RNF207: variants seen among roughly 807,000 people sequenced by gnomAD.
RNF207 encodes ring finger protein 207.
A neutral mutation model predicts 79.0 loss-of-function variants in RNF207; 72 were observed. That is an observed-to-expected ratio of 0.91 (90% CI 0.75 to 1.11). The LOEUF is 1.11. Among genes scored for constraint, RNF207 ranks in the 50% least tolerant of loss-of-function variants. The pLI is 0.00. For synonymous variants in RNF207, 348 were observed against 366.2 expected, an observed-to-expected ratio of 0.95 and a Z score of 0.57; for missense variants, 936 against 855.8, an observed-to-expected ratio of 1.09 and a Z score of -1.17.
At chr1:6,212,977 G>C (rs1319486522) in intron 15 of RNF207, 89 bp from the exon 16 acceptor site, 1 of 905,848 alleles carries the variant, frequency 1.1e-6, no homozygotes, top group South Asian at 1.5e-5. Context: ...GGAAATGGTC[G>C]GGATATTTAC....
At position 6,210,950 on chromosome 1, in the gene RNF207, CCT is replaced by C; in HGVS notation, c.1011+13_1011+14del. 1 of 1,602,364 alleles carries C rather than the reference CCT, an allele frequency of 6.2e-7. No individual in the cohort carries two copies. Among genetic ancestry groups the C allele is most frequent in the African/African-American group, 1.3e-5 (1 of 74,942 alleles). ...TTCAGAGCAGCAAGGTGTGCAGTGG[CCT>C]GGGTGGGCCAGGGTCGGGGGCCCTG... On this transcript the variant is annotated intron_variant, in intron 11 of 17. Transcript: ENST00000377939.
intron 14 of RNF207, 80 bp downstream of exon 14, chr1:6,212,496 G>A: frequency 1.4e-6 from 2 of 1,416,934 alleles, no homozygotes; most frequent in Non-Finnish European, 1.9e-6. Context: ...AGCGGGGAAA[G>A]AGGACCTGGC....
chr1:6,213,219 C>T (rs1430868958), intron 16 of RNF207, 36 bp downstream of exon 16: 2 of 1,380,460 alleles, frequency 1.4e-6, no homozygotes, highest in Admixed American at 3.4e-5. Context: ...GCCACTGAGA[C>T]TCTTCAGAAT....
At chr1:6,218,474 G>A in intron 17 of RNF207, 105 bp downstream of exon 17, 1 of 839,178 alleles carries the variant, frequency 1.2e-6, no homozygotes. Context: ...GCCAGCTCTG[G>A]GGCCCTGGCT....
chr1:6,209,436 C>T lies in RNF207; in HGVS notation c.650C>T (p.Ala217Val). ...AVLAVKALQTATREAIALLQA... is the reference protein window; with the variant it reads ...AVLAVKALQTVTREAIALLQA... ...CAGGCCGTGAAGGCCCTGCAGACGGCCACGCGGGAGGCCATCGCGCTGCTG... is the reference window on the plus strand; with the variant it reads ...CAGGCCGTGAAGGCCCTGCAGACGGTCACGCGGGAGGCCATCGCGCTGCTG... Residue 217 changes from alanine (A) to valine (V), a missense_variant, in exon 7 of 18, where the codon GCC (alanine) becomes GTC (valine). Ala to Val is a moderately conservative substitution (Grantham distance 64). Transcript: ENST00000377939. The T allele has an allele frequency of 6.6e-7, 1 of 1,516,952 alleles. No individual in the cohort carries two copies. The highest frequency in any genetic ancestry group is 8.8e-7 in the Non-Finnish European group (1 of 1,137,892). 94.0% of individuals were successfully genotyped at this position (1,516,952 alleles called of 1,614,324 possible).
At position 6,210,818 on chromosome 1, in the gene RNF207, GC is replaced by G. The variant is rs947299905; in HGVS notation, c.943-47del. The G allele has an allele frequency of 1.2e-5, 18 of 1,497,500 alleles. No individual in the cohort carries two copies. The Admixed American group carries it at 1.4e-4, about 11-fold the overall frequency. The allele number at this position is 1,497,500 out of a possible 1,614,324, so 92.8% of individuals were successfully genotyped here. A position where few individuals can be genotyped will look rare whatever the true frequency, so the allele number is the denominator to read the frequency against. Reference sequence around the variant, plus strand: ...CTCCGCCTCCATCTCCCCTCTTCCTGCCCCCTGGCTGCCACACCTCCACCGG... The same window carrying G: ...CTCCGCCTCCATCTCCCCTCTTCCTGCCCCTGGCTGCCACACCTCCACCGG... On this transcript the variant is annotated intron_variant, in intron 10 of 17. Transcript: ENST00000377939.
chr1:6,212,247 T>C lies in RNF207; in HGVS notation c.1313T>C (p.Met438Thr), dbSNP rs1425822382. 6.2e-7 allele frequency: 1 copy of C among 1,612,940 alleles called. No individual in the cohort carries two copies. Among genetic ancestry groups the C allele is most frequent in the East Asian group, 2.2e-5 (1 of 44,864 alleles). ...TCTGTGCAGCACCTGCAGGCAGAGA[T>C]GCAGAGCCTAAAGGACCAGGTACAG... Reference protein sequence around the residue: ...EDSYRHLQAEMQSLKDQVQEL... With the variant: ...EDSYRHLQAETQSLKDQVQEL... Residue 438 changes from methionine to threonine, a missense_variant, in exon 14 of 18, where the codon ATG becomes ACG. Transcript: ENST00000377939.
In RNF207 at chr1:6,219,502, T is replaced by G. The variant is rs60846395; in HGVS notation, c.*95T>G. The G allele has an allele frequency of 0.012, 11,824 of 977,128 alleles. 742 individuals are homozygous for G. In the African/African-American group the frequency reaches 0.15, roughly 13 times the overall value. The allele number at this position is 977,128 out of a possible 1,614,324, so 60.5% of individuals were successfully genotyped here. On this transcript the variant is annotated 3_prime_UTR_variant, in exon 18 of 18. Coordinates refer to ENST00000377939, the MANE Select transcript of RNF207 (RefSeq NM_207396.3). Reference sequence around the variant, plus strand: ...GTTCCCATGATGGTTTTTTTTATTTTTTATTTTTGAGATGGAGTTTCGCTC... The same window carrying G: ...GTTCCCATGATGGTTTTTTTTATTTGTTATTTTTGAGATGGAGTTTCGCTC...
chr1:6,206,636 G>A lies in RNF207; in HGVS notation c.101G>A (p.Arg34His), dbSNP rs140205685. 23 of 1,608,086 alleles carry A rather than the reference G, an allele frequency of 1.4e-5. No individual in the cohort carries two copies. Among genetic ancestry groups the A allele is most frequent in the Non-Finnish European group, 1.9e-5 (23 of 1,179,872 alleles). ...CCGCTGTGCCACGTGCAGTACGAGC[G>A]CCCGTGTCTTCTGGACTGTTTCCAC... is the stretch of plus-strand genomic sequence containing the variant. ...VCPLCHVQYE[R>H]PCLLDCFHDF... The change falls in exon 2 of 18, where the codon CGC becomes CAC. Residue 34 changes from arginine to histidine, a missense_variant. By Grantham distance (29) the Arg-to-His change is conservative. Coordinates refer to ENST00000377939, the MANE Select transcript of RNF207 (RefSeq NM_207396.3).
rs763372809 is a variant in RNF207, at chr1:6,208,901, C to G, written c.345C>G (p.Phe115Leu). Residue 115 changes from phenylalanine to leucine, a missense_variant, in exon 4 of 18, where the codon TTC becomes TTG. Coordinates refer to ENST00000377939, the MANE Select transcript of RNF207 (RefSeq NM_207396.3). ...CSEQDVETTY[F>L]CNTCGQPLCA... ...CGCAGGACGTGGAGACCACGTACTT[C>G]TGCAACACGTGCGGACAGCCCCTAT... is the stretch of plus-strand genomic sequence containing the variant. 5 of 1,532,976 alleles carry G rather than the reference C, an allele frequency of 3.3e-6. No homozygotes were observed. Among genetic ancestry groups the G allele is most frequent in the African/African-American group, 1.4e-5 (1 of 72,496 alleles). The allele number at this position is 1,532,976 out of a possible 1,614,324, so 95.0% of individuals were successfully genotyped here.
Position 6,212,734 on chromosome 1 carries a change from G to A in RNF207, c.1534+1G>A. 6.2e-7 allele frequency: 1 copy of A among 1,612,298 alleles called. No individual in the cohort carries two copies. Among genetic ancestry groups the A allele is most frequent in the Non-Finnish European group, 8.5e-7 (1 of 1,178,480 alleles). ...GCTAATGAGCAGGAGATTTATGAAG[G>A]TTCCAGACAGTTGGCTGCCGAGTGA... On this transcript the variant is annotated splice_donor_variant, in intron 15 of 17. Coordinates refer to ENST00000377939, the MANE Select transcript of RNF207 (RefSeq NM_207396.3). LOFTEE classifies it high-confidence loss of function.
In RNF207 at chr1:6,209,462, C is replaced by CA. The variant is rs1482003890; in HGVS notation, c.677dup (p.Ala227GlyfsTer82). ...CACGCGGGAGGCCATCGCGCTGCTGCAGGCCATGGTGGAGGAGGTGCGGCA... is the reference window on the plus strand; with the variant it reads ...CACGCGGGAGGCCATCGCGCTGCTGCAAGGCCATGGTGGAGGAGGTGCGGCA... On this transcript the variant is annotated frameshift_variant, in exon 7 of 18. Coordinates refer to ENST00000377939, the MANE Select transcript of RNF207 (RefSeq NM_207396.3). LOFTEE classifies it high-confidence loss of function. 6.6e-7 allele frequency: 1 copy of CA among 1,514,712 alleles called. No individual in the cohort carries two copies. The highest frequency in any genetic ancestry group is 2.5e-5 in the East Asian group (1 of 40,038). The allele number at this position is 1,514,712 out of a possible 1,614,324, so 93.8% of individuals were successfully genotyped here.
At position 6,220,064 on chromosome 1, in the gene RNF207, C is replaced by G. The variant is rs1668500294; in HGVS notation, c.*657C>G. 6.6e-6 allele frequency: 1 copy of G among 152,244 alleles called. No individual in the cohort carries two copies. The highest frequency in any genetic ancestry group is 1.5e-5 in the Non-Finnish European group (1 of 68,060). 9.4% of individuals were successfully genotyped at this position (152,244 alleles called of 1,614,324 possible). A position where few individuals can be genotyped will look rare whatever the true frequency, so the allele number is the denominator to read the frequency against. ...CCGCCCACCTCGGCCTCCCAAAATG[C>G]TGGGATTACAGGGGTAAGCCACTGT... On this transcript the variant is annotated 3_prime_UTR_variant, in exon 18 of 18. Transcript: ENST00000377939.
Position 6,211,222 on chromosome 1 carries a change from C to T in RNF207, c.1109+104C>T. ...TCGCCAGCAAGAAGCCAGGTGCCAC[C>T]ATTCCTTCCTCCGTCCTTAGCTCGC... On this transcript the variant is annotated intron_variant, in intron 12 of 17. Coordinates refer to ENST00000377939, the MANE Select transcript of RNF207 (RefSeq NM_207396.3). The surrounding 1 kb of genome is among the most constrained non-coding windows in gnomAD (Gnocchi z 4.2). 1 of 763,334 alleles carries T rather than the reference C, an allele frequency of 1.3e-6. No individual in the cohort carries two copies. The highest frequency in any genetic ancestry group is 2.1e-6 in the Non-Finnish European group (1 of 471,170). The allele number at this position is 763,334 out of a possible 1,614,324, so 47.3% of individuals were successfully genotyped here. A position where few individuals can be genotyped will look rare whatever the true frequency, so the allele number is the denominator to read the frequency against.
At chr1:6,208,095 T>C (rs982696092) in intron 3 of RNF207, 4 of 229,492 alleles carry the variant, frequency 1.7e-5, no homozygotes, top group Admixed American at 4.9e-5. Context: ...GCCTGTTATG[T>C]CCATCATTGC....
In RNF207 at chr1:6,207,611, G is replaced by A; in HGVS notation, c.324+100G>A. 1 of 1,353,680 alleles carries A rather than the reference G, an allele frequency of 7.4e-7. No homozygotes were observed. The highest frequency in any genetic ancestry group is 1.0e-6 in the Non-Finnish European group (1 of 978,638). The allele number at this position is 1,353,680 out of a possible 1,614,324, so 83.9% of individuals were successfully genotyped here. A position where few individuals can be genotyped will look rare whatever the true frequency, so the allele number is the denominator to read the frequency against. On this transcript the variant is annotated intron_variant, in intron 3 of 17. Coordinates refer to ENST00000377939, the MANE Select transcript of RNF207 (RefSeq NM_207396.3). This position sits in a 1 kb window ranked among gnomAD's most constrained non-coding sequence, Gnocchi z 4.5. ...TCAGCATGTCTTCAGAGGACGACCT[G>A]GCAGTGGATTCTCCAGCACCTCCCT... is the stretch of plus-strand genomic sequence containing the variant.
At chr1:6,210,144 A>G (rs1020023427) in intron 8 of RNF207, 79 bp from the exon 9 acceptor site, 2 of 1,396,956 alleles carry the variant, frequency 1.4e-6, no homozygotes, top group African/African-American at 2.8e-5. Context: ...CGGACATGCG[A>G]AGCTGGAGGC....
rs1043994095 is a variant in RNF207, at chr1:6,211,903, G to A, written c.1146G>A (p.Gly382=). 3.2e-6 allele frequency: 5 copies of A among 1,549,920 alleles called. No homozygotes were observed. Among genetic ancestry groups the A allele is most frequent in the African/African-American group, 1.4e-5 (1 of 73,000 alleles). ...GCTTAGGCCCCAAGGCGCTGACGGG[G>A]CCCCACTGCCCCTCCCCAGTAGGAA... ...AGGLGPKALT[G]PHCPSPVGKM... The change falls in exon 13 of 18, where the codon GGG becomes GGA. Residue 382 remains glycine, a synonymous_variant. Coordinates refer to ENST00000377939, the MANE Select transcript of RNF207 (RefSeq NM_207396.3). The surrounding 1 kb of genome is among the most constrained non-coding windows in gnomAD (Gnocchi z 4.2).
At position 6,212,080 on chromosome 1, in the gene RNF207, G is replaced by C. The variant is rs1056988746; in HGVS notation, c.1296+27G>C. On this transcript the variant is annotated intron_variant, in intron 13 of 17. Transcript: ENST00000377939. ...TGAGGGGGCAGGGATCTGCCGGAGG[G>C]GGGAGATGTCCTAACCCACTCCTCA... 1.6e-5 allele frequency: 25 copies of C among 1,578,282 alleles called. No individual in the cohort carries two copies. In the East Asian group the frequency reaches 4.8e-4, roughly 30 times the overall value.
Sources: allele counts gnomAD v4.1 joint callset, GRCh38; gene constraint gnomAD v4.1.1; non-coding constraint Gnocchi (gnomAD v3.1); transcripts MANE v1.5; gene names NCBI Gene and HGNC (gene_info 2026-07-23, HGNC 2026-07-21).